Variants in ANPEP observed in about 807,000 individuals in gnomAD.
The protein encoded by ANPEP is aminopeptidase N.
A neutral mutation model predicts 114.6 loss-of-function variants in ANPEP; 70 were observed. That is an observed-to-expected ratio of 0.61 (90% CI 0.50 to 0.75). ANPEP has a LOEUF of 0.75. Ranked by LOEUF, ANPEP falls within the 30% of genes least tolerant of loss-of-function variation. ANPEP has a pLI of 0.00. For synonymous variants in ANPEP, 548 were observed against 522.3 expected, an observed-to-expected ratio of 1.05 and a Z score of -0.67; for missense variants, 1,184 against 1,259.5, an observed-to-expected ratio of 0.94 and a Z score of 0.91.
chr15:89,786,802 T>C (rs1267362214), intron 20 of ANPEP, among the ~76,000 whole-genome samples: 2 of 151,920 alleles, frequency 1.3e-5, no homozygotes, highest in Non-Finnish European at 2.9e-5. Flanking sequence ...CAAATATAGA[T>C]GAATGAAATA....
At chr15:89,811,836 C>T (rs749615251) in intron 1 of ANPEP, among the ~76,000 whole-genome samples, 7 of 152,070 alleles carry the variant, frequency 4.6e-5, no homozygotes, top group Non-Finnish European at 8.8e-5. Flanking sequence ...GTGTTCCTTT[C>T]GCTGTGAATT....
intron 18 of ANPEP, 104 bp downstream of exon 18, chr15:89,792,056 G>A (rs1016246141): frequency 7.4e-7 from 1 of 1,354,666 alleles, no homozygotes; most frequent in South Asian, 1.4e-5. Context: ...ACCTCAACAG[G>A]TCTGTGGGGG....
chr15:89,792,241 A>T lies in ANPEP; in HGVS notation c.2447T>A (p.Phe816Tyr), dbSNP rs1475802462. 1 of 1,614,020 alleles carries T rather than the reference A, an allele frequency of 6.2e-7. No individual in the cohort carries two copies. The highest frequency in any genetic ancestry group is 8.5e-7 in the Non-Finnish European group (1 of 1,180,032). The change falls in exon 18 of 21, where the codon TTC (phenylalanine) becomes TAC (tyrosine). Residue 816 changes from phenylalanine to tyrosine, a missense_variant. Transcript: ENST00000300060. ...CTCATTGACCAGTGTGGCATTTCGGAACTGCTCCCAGGCGAAGTCCCACTC... is the reference window on the plus strand; with the variant it reads ...CTCATTGACCAGTGTGGCATTTCGGTACTGCTCCCAGGCGAAGTCCCACTC... ...EEEWDFAWEQFRNATLVNEAD... is the reference protein window; with the variant it reads ...EEEWDFAWEQYRNATLVNEAD...
In ANPEP at chr15:89,793,142, T is replaced by C. The variant is rs16943605; in HGVS notation, c.2158-16A>G. 512,346 of 1,605,492 alleles carry C rather than the reference T, an allele frequency of 0.32. 84,117 individuals are homozygous for C. Among genetic ancestry groups the C allele is most frequent in the African/African-American group, 0.47 (35,357 of 74,668 alleles). ...TCAGGTAGTTCTGGGGAAAAGAAAA[T>C]ATGAATCTCATCAAAGACTCATGCC... On this transcript the variant is annotated splice_polypyrimidine_tract_variant and intron_variant, in intron 15 of 20. Transcript: ENST00000300060.
At position 89,801,095 on chromosome 15, in the gene ANPEP, G is replaced by T. The variant is rs1894578988; in HGVS notation, c.1819+16C>A. ...ATGGGGTGGGGGCTGCTGCCCATAAGGCAGGGCTGGATTACCTCTTACATC... is the reference window on the plus strand; with the variant it reads ...ATGGGGTGGGGGCTGCTGCCCATAATGCAGGGCTGGATTACCTCTTACATC... On this transcript the variant is annotated intron_variant, in intron 12 of 20. Transcript: ENST00000300060. The T allele has an allele frequency of 6.2e-7, 1 of 1,612,616 alleles. No individual in the cohort carries two copies. The highest frequency in any genetic ancestry group is 1.7e-5 in the Admixed American group (1 of 59,998).
Position 89,803,459 on chromosome 15 carries a change from A to G in ANPEP, c.1486T>C (p.Phe496Leu). The G allele has an allele frequency of 6.2e-7, 1 of 1,605,648 alleles. No homozygotes were observed. The highest frequency in any genetic ancestry group is 8.5e-7 in the Non-Finnish European group (1 of 1,176,288). The change falls in exon 9 of 21, where the codon TTC (phenylalanine) becomes CTC (leucine). Residue 496 changes from phenylalanine (F) to leucine (L), a missense_variant. By Grantham distance (22) the Phe-to-Leu change is conservative (BLOSUM62 0). Transcript: ENST00000300060. The surrounding 1 kb of genome is among the most constrained non-coding windows in gnomAD (Gnocchi z 4.2). ...GTACTCACCGCCAGGCCCTGCTTGA[A>G]TACGTCCTCGGACAGGAAGCTGGAG... Reference protein sequence around the residue: ...MLSSFLSEDVFKQGLASYLHT... With the variant: ...MLSSFLSEDVLKQGLASYLHT...
chr15:89,806,435 G>C lies in ANPEP; in HGVS notation c.149C>G (p.Thr50Ser). The part of the protein sequence containing the change: ...NANSSPVAST[T>S]PSASATTNPA... ...GTTGGTGGTGGCTGAGGCGGACGGGGTGGTGGAGGCCACGGGGGAGCTGTT... is the reference window on the plus strand; with the variant it reads ...GTTGGTGGTGGCTGAGGCGGACGGGCTGGTGGAGGCCACGGGGGAGCTGTT... Residue 50 changes from threonine (T) to serine (S), a missense_variant, in exon 2 of 21, where the codon ACC becomes AGC. Transcript: ENST00000300060. The surrounding 1 kb of genome is among the most constrained non-coding windows in gnomAD (Gnocchi z 5.7). 1 of 1,614,166 alleles carries C rather than the reference G, an allele frequency of 6.2e-7. No homozygotes were observed. Among genetic ancestry groups the C allele is most frequent in the Middle Eastern group, 1.6e-4 (1 of 6,062 alleles).
intron 16 of ANPEP, 82 bp from the exon 17 acceptor site, chr15:89,792,644 C>G: frequency 8.0e-7 from 1 of 1,257,080 alleles, no homozygotes; most frequent in Non-Finnish European, 1.1e-6. Context: ...CCCAGGCCGG[C>G]ACCCTGCCTA....
chr15:89,806,773 A>C lies in ANPEP; in HGVS notation c.-190T>G, dbSNP rs1341224636. 4 of 918,802 alleles carry C rather than the reference A, an allele frequency of 4.4e-6. No homozygotes were observed. Among genetic ancestry groups the C allele is most frequent in the Non-Finnish European group, 6.3e-6 (4 of 636,874 alleles). 56.9% of individuals were successfully genotyped at this position (918,802 alleles called of 1,614,324 possible). A position where few individuals can be genotyped will look rare whatever the true frequency, so the allele number is the denominator to read the frequency against. On this transcript the variant is annotated 5_prime_UTR_variant, in exon 2 of 21. Coordinates refer to ENST00000300060, the MANE Select transcript of ANPEP (RefSeq NM_001150.3). The surrounding 1 kb of genome is among the most constrained non-coding windows in gnomAD (Gnocchi z 5.7). ...CGCTCCGCCTGGGGAGAGGAGATCC[A>C]GGAACGGTGTGTGGAGCTGGGCTCG...
rs745587722 is a variant in ANPEP at position 89,799,675 on chromosome 15, G to T, written c.1820-116C>A. 3 of 1,456,444 alleles carry T rather than the reference G, an allele frequency of 2.1e-6. No homozygotes were observed. Among genetic ancestry groups the T allele is most frequent in the Non-Finnish European group, 2.8e-6 (3 of 1,062,314 alleles). The allele number at this position is 1,456,444 out of a possible 1,614,324, so 90.2% of individuals were successfully genotyped here. On this transcript the variant is annotated intron_variant, in intron 12 of 20. Transcript: ENST00000300060. This position sits in a 1 kb window ranked among gnomAD's most constrained non-coding sequence, Gnocchi z 4.2. ...GGCACCACCTCACCCTCAAGCTGCT[G>T]GGGAGACGCTAAGGGTGGGGAAGGA...
intron 18 of ANPEP, among the ~76,000 whole-genome samples, chr15:89,791,416 CTTCTTTTCTT>C (rs59240593): frequency 0.015 from 2,205 of 150,774 alleles, 52 homozygotes; most frequent in African/African-American, 0.051. Context: ...GAGGGTGGCC[CTTCTTTTCTT>C]TTCTTTTCTT....
In ANPEP at chr15:89,785,473, T is replaced by G. The variant is rs760462576; in HGVS notation, c.2780A>C (p.Glu927Ala). The change falls in exon 21 of 21, where the codon GAA (glutamate) becomes GCA (alanine). Residue 927 changes from glutamate to alanine, a missense_variant. Transcript: ENST00000300060. ...CCGGGTGCCTGAGCCGAAGCCTGTT[T>G]CCTCGTTGTCCTTCTTGAACTGCTC... ...QLEQFKKDNEETGFGSGTRAL... is the reference protein window; with the variant it reads ...QLEQFKKDNEATGFGSGTRAL... 6.2e-7 allele frequency: 1 copy of G among 1,614,042 alleles called. No individual in the cohort carries two copies. The highest frequency in any genetic ancestry group is 1.1e-5 in the South Asian group (1 of 91,076).
chr15:89,788,302 A>C (rs1359229538), intron 20 of ANPEP, among the ~76,000 whole-genome samples: 5 of 152,216 alleles, frequency 3.3e-5, no homozygotes, highest in Non-Finnish European at 7.3e-5. Context: ...ATAAAAAAGA[A>C]TGATCCCTGC....
Position 89,801,606 on chromosome 15 carries a change from G to C in ANPEP, c.1571C>G (p.Ala524Gly). 1 of 1,613,368 alleles carries C rather than the reference G, an allele frequency of 6.2e-7. No individual in the cohort carries two copies. The highest frequency in any genetic ancestry group is 8.5e-7 in the Non-Finnish European group (1 of 1,179,492). ...GAGTTGGATGGACCGGTTGTTCACAGCCTGTGGGTGGAGCGAGAGGGCGTG... is the reference window on the plus strand; with the variant it reads ...GAGTTGGATGGACCGGTTGTTCACACCCTGTGGGTGGAGCGAGAGGGCGTG... ...YLNLWDHLQE[A>G]VNNRSIQLPT... Residue 524 changes from alanine (A) to glycine (G), a missense_variant and splice_region_variant, in exon 11 of 21, where the codon GCT (alanine) becomes GGT (glycine). Ala to Gly is a moderately conservative substitution (Grantham distance 60, BLOSUM62 0). Transcript: ENST00000300060.
chr15:89,809,800 G>T (rs1477760350), intron 1 of ANPEP, among the ~76,000 whole-genome samples: 2 of 152,216 alleles, frequency 1.3e-5, no homozygotes, highest in Non-Finnish European at 2.9e-5. Flanking sequence ...TCTGGCTTGG[G>T]CCTTAATACC....
In ANPEP at chr15:89,785,599, T is replaced by C. The variant is rs548817040; in HGVS notation, c.2752-98A>G. On this transcript the variant is annotated intron_variant, in intron 20 of 20. Transcript: ENST00000300060. ...CTGGCTTTCCACTCCCACTTTAGAG[T>C]CCCCATGGATGGGACCACACCCTGT... The C allele has an allele frequency of 6.7e-5, 102 of 1,528,280 alleles. 1 individual carries two copies. In the East Asian group the frequency reaches 1.4e-3, roughly 20 times the overall value. The allele number at this position is 1,528,280 out of a possible 1,614,324, so 94.7% of individuals were successfully genotyped here.
chr15:89,813,038 C>A (rs1246370252), intron 1 of ANPEP, among the ~76,000 whole-genome samples: 2 of 152,094 alleles, frequency 1.3e-5, no homozygotes, highest in African/African-American at 2.4e-5. Flanking sequence ...CAAGGTGTGA[C>A]TGGGACCACT....
In ANPEP at chr15:89,814,001, G is replaced by GGGGC. The variant is rs1894863085; in HGVS notation, c.-224+770_-224+771insGCCC. Among the ~76,000 whole-genome samples, 5 of 151,610 alleles carry GGGGC rather than the reference G, an allele frequency of 3.3e-5. No individual in the cohort carries two copies. The South Asian group carries it at 1.0e-3, about 32-fold the overall frequency. The stretch of plus-strand genomic sequence containing the variant: ...TGCCCACCGCACTGCTGGGGGGGGG[G>GGGGC]GGTGCGTTCTGGAGTCATTTGGGGA... On this transcript the variant is annotated intron_variant, in intron 1 of 20. Transcript: ENST00000300060.
chr15:89,801,911 C>T (rs1028384957), intron 10 of ANPEP, among the ~76,000 whole-genome samples: 3 of 152,082 alleles, frequency 2.0e-5, no homozygotes, highest in African/African-American at 7.2e-5. Flanking sequence ...TCCTGAACAA[C>T]ACTGGGAGGA....
Sources: allele counts gnomAD v4.1 joint callset (sites outside exome capture counted in the v4.1 genomes callset), GRCh38; gene constraint gnomAD v4.1.1; non-coding constraint Gnocchi (gnomAD v3.1); transcripts MANE v1.5; gene names NCBI Gene and HGNC (gene_info 2026-07-23, HGNC 2026-07-21).